Variants in MDGA2 observed in about 807,000 individuals in gnomAD.
The protein encoded by MDGA2 is MAM domain-containing glycosylphosphatidylinositol anchor protein 2.
Under a neutral mutation model 117.8 loss-of-function variants are expected in MDGA2, and 40 were observed. That is an observed-to-expected ratio of 0.34 (90% CI 0.26 to 0.44). The LOEUF (loss-of-function observed/expected upper bound fraction) is 0.44. Among genes scored for constraint, MDGA2 ranks in the 20% least tolerant of loss-of-function variants. The pLI, the probability that MDGA2 is intolerant of heterozygous loss-of-function variation, is 1.00. For synonymous variants in MDGA2, 452 were observed against 439.0 expected, an observed-to-expected ratio of 1.03 and a Z score of -0.37; for missense variants, 1,123 against 1,250.6, an observed-to-expected ratio of 0.90 and a Z score of 1.54.
At chr14:47,317,191 C>T (rs968350103) in intron 1 of MDGA2, among the ~76,000 whole-genome samples, 1 of 152,074 alleles carries the variant, frequency 6.6e-6, no homozygotes, top group Non-Finnish European at 1.5e-5. Flanking sequence ...GCCTACATTA[C>T]TCATTTGATA....
chr14:47,041,186 TA>T (rs1234960770), intron 7 of MDGA2, among the ~76,000 whole-genome samples: 1 of 152,056 alleles, frequency 6.6e-6, no homozygotes, highest in Non-Finnish European at 1.5e-5. Flanking sequence ...GTGAAAAAGT[TA>T]AGGAAGTCAA....
chr14:47,575,875 A>G (rs1566523309), intron 1 of MDGA2, among the ~76,000 whole-genome samples: 3 of 152,224 alleles, frequency 2.0e-5, no homozygotes, highest in Admixed American at 6.5e-5. Context: ...GTAAAAATAT[A>G]ATTTAGGACA....
At chr14:47,184,402 C>T (rs1384706997) in intron 3 of MDGA2, among the ~76,000 whole-genome samples, 1 of 151,822 alleles carries the variant, frequency 6.6e-6, no homozygotes, top group Non-Finnish European at 1.5e-5. Context: ...ATGTAGTTAA[C>T]CGGAAATCAA....
intron 10 of MDGA2, among the ~76,000 whole-genome samples, chr14:46,904,300 A>T (rs1491903): frequency 0.36 from 54,110 of 150,832 alleles, 10,647 homozygotes; most frequent in East Asian, 0.63. Context: ...GAAACCCGAA[A>T]GGCAGAGGTT....
intron 3 of MDGA2, among the ~76,000 whole-genome samples, chr14:47,157,123 C>A (rs984951281): frequency 6.6e-6 from 1 of 152,026 alleles, no homozygotes; most frequent in Non-Finnish European, 1.5e-5. Context: ...TTTGATAAAT[C>A]GATGGGAAAT....
intron 1 of MDGA2, among the ~76,000 whole-genome samples, chr14:47,436,120 G>A (rs554331923): frequency 4.6e-5 from 7 of 152,024 alleles, no homozygotes; most frequent in Non-Finnish European, 8.8e-5. Context: ...TCTACAAACT[G>A]GGACATCTCA....
intron 1 of MDGA2, among the ~76,000 whole-genome samples, chr14:47,317,516 CT>C (rs1041192079): frequency 1.3e-5 from 2 of 151,746 alleles, no homozygotes; most frequent in Non-Finnish European, 2.9e-5. Flanking sequence ...GCATTTATAC[CT>C]TTTTTTTGGA....
chr14:47,012,157 T>G (rs758541765), intron 8 of MDGA2, among the ~76,000 whole-genome samples: 1 of 152,060 alleles, frequency 6.6e-6, no homozygotes, highest in Non-Finnish European at 1.5e-5. Flanking sequence ...AAATCAAAGA[T>G]TGGTATAAAG....
chr14:47,384,499 C>T (rs1199542742), intron 1 of MDGA2, among the ~76,000 whole-genome samples: 1 of 151,802 alleles, frequency 6.6e-6, no homozygotes, highest in Non-Finnish European at 1.5e-5. Context: ...TTCTTGATTT[C>T]TTCTATTTTC....
intron 8 of MDGA2, among the ~76,000 whole-genome samples, chr14:46,961,878 G>A (rs557604638): frequency 1.3e-5 from 2 of 152,152 alleles, no homozygotes; most frequent in Admixed American, 6.5e-5. Flanking sequence ...TCCTGACCTC[G>A]TGATCCACCT....
intron 14 of MDGA2, among the ~76,000 whole-genome samples, chr14:46,861,214 T>A (rs1203156741): frequency 6.6e-6 from 1 of 151,894 alleles, no homozygotes; most frequent in Non-Finnish European, 1.5e-5. Flanking sequence ...CCTATTATAG[T>A]TTGCTAACAA....
At chr14:47,073,419 T>G (rs190721476) in intron 6 of MDGA2, among the ~76,000 whole-genome samples, 1 of 152,302 alleles carries the variant, frequency 6.6e-6, no homozygotes, top group East Asian at 1.9e-4. Flanking sequence ...ATGGTAGTAA[T>G]TATGAAGCAT....
intron 16 of MDGA2, among the ~76,000 whole-genome samples, chr14:46,842,439 G>A (rs1392596936): frequency 1.3e-5 from 2 of 151,946 alleles, no homozygotes; most frequent in Non-Finnish European, 2.9e-5. Flanking sequence ...CTATCTTAAT[G>A]AAAACTAGAA....
chr14:47,086,986 C>A (rs916294556), intron 6 of MDGA2, among the ~76,000 whole-genome samples: 1 of 152,122 alleles, frequency 6.6e-6, no homozygotes, highest in African/African-American at 2.4e-5. Flanking sequence ...GCAACTGACA[C>A]AGATATAGCA....
intron 10 of MDGA2, among the ~76,000 whole-genome samples, chr14:46,903,401 T>G (rs1266511921): frequency 6.6e-6 from 1 of 152,204 alleles, no homozygotes; most frequent in Non-Finnish European, 1.5e-5. Context: ...TAGGTCAGAA[T>G]GTAAGAATGA....
chr14:46,912,144 A>G (rs1431490602), intron 10 of MDGA2, among the ~76,000 whole-genome samples: 1 of 152,144 alleles, frequency 6.6e-6, no homozygotes, highest in Non-Finnish European at 1.5e-5. Flanking sequence ...TTTTCTCATC[A>G]ACGTTATAAC....
At chr14:47,373,374 C>T (rs1891407954) in intron 1 of MDGA2, among the ~76,000 whole-genome samples, 1 of 151,860 alleles carries the variant, frequency 6.6e-6, no homozygotes, top group Non-Finnish European at 1.5e-5. Context: ...AACTCATTAA[C>T]AAACATTCAT....
At chr14:47,104,024 A>C (rs1880493523) in intron 5 of MDGA2, among the ~76,000 whole-genome samples, 1 of 152,198 alleles carries the variant, frequency 6.6e-6, no homozygotes, top group African/African-American at 2.4e-5. Flanking sequence ...TCCTTGTCTT[A>C]ACTGACTTTG....
intron 3 of MDGA2, among the ~76,000 whole-genome samples, chr14:47,214,924 C>A (rs550193339): frequency 9.9e-5 from 15 of 152,184 alleles, no homozygotes; most frequent in Non-Finnish European, 1.9e-4. Context: ...TAGAGACAAT[C>A]TTTTACAAGG....
Sources: gnomAD v4.1 joint callset for allele counts (sites outside exome capture counted in the v4.1 genomes callset) on GRCh38, gnomAD v4.1.1 for gene constraint, MANE v1.5 for transcripts, NCBI Gene and HGNC (gene_info 2026-07-23, HGNC 2026-07-21) for gene names.